The following NUP210L variants were observed in gnomAD, a reference collection of about 807,000 sequenced individuals.
The protein encoded by NUP210L is nuclear pore membrane glycoprotein 210-like.
Under a neutral mutation model 208.5 loss-of-function variants are expected in NUP210L, and 74 were observed. The ratio of observed to expected loss-of-function variants is 0.35; its 90% CI spans 0.29 to 0.43. NUP210L has a LOEUF of 0.43. NUP210L is among the 20% of genes least tolerant of loss of function. The pLI is 1.00. For synonymous variants in NUP210L, 780 were observed against 816.9 expected (o/e 0.95, Z 0.77); for missense variants, 1,843 against 2,289.4 (o/e 0.81, Z 3.98).
chr1:153,995,825 C>A (rs556087203), intron 37 of NUP210L: 2 of 619,602 alleles, frequency 3.2e-6, no homozygotes, highest in African/African-American at 1.8e-5. Context: ...GAAGTTCTTA[C>A]GAGATTGTCC....
chr1:154,002,618 C>T (rs1435344908), intron 35 of NUP210L, among the ~76,000 whole-genome samples: 2 of 151,134 alleles, frequency 1.3e-5, no homozygotes, highest in South Asian at 2.1e-4. Flanking sequence ...AGCAAGACTC[C>T]GTCTCAAAAA....
At chr1:154,003,093 C>T (rs1350329703) in intron 35 of NUP210L, among the ~76,000 whole-genome samples, 3 of 151,714 alleles carry the variant, frequency 2.0e-5, no homozygotes, top group Non-Finnish European at 4.4e-5. Flanking sequence ...TCACTGCAGC[C>T]TTAAACTCCT....
intron 27 of NUP210L, among the ~76,000 whole-genome samples, chr1:154,036,335 TGTGTGTGTGTGTGTGTG>T (rs1652544121): frequency 6.9e-6 from 1 of 145,826 alleles, no homozygotes; most frequent in Non-Finnish European, 1.5e-5. Flanking sequence ...TGTGTGTGTG[TGTGTGTGTGTGTGTGTG>T]TGTGTGTGTA....
intron 16 of NUP210L, among the ~76,000 whole-genome samples, chr1:154,073,353 C>T (rs938908146): frequency 2.6e-5 from 4 of 152,038 alleles, no homozygotes; most frequent in African/African-American, 7.2e-5. Context: ...ATGAAACCCA[C>T]ATCCCTACAA....
rs141030812 is a variant in NUP210L at position 154,115,983 on chromosome 1, C to T, written c.1620+1742G>A. Among the ~76,000 whole-genome samples the T allele has an allele frequency of 7.5e-3, 1,143 of 151,910 alleles. 11 individuals are homozygous for T. Among genetic ancestry groups the T allele is most frequent in the African/African-American group, 0.026 (1,095 of 41,448 alleles). On this transcript the variant is annotated intron_variant, in intron 12 of 39. Coordinates refer to ENST00000368559, the Ensembl canonical transcript of NUP210L. Reference sequence around the variant, plus strand: ...AAAATACAAAAAATTAGGCCGGGCGCGGTGACTCATGCCTGTAATCCCAGC... The same window carrying T: ...AAAATACAAAAAATTAGGCCGGGCGTGGTGACTCATGCCTGTAATCCCAGC...
chr1:154,043,021 CT>C (rs34453410), intron 27 of NUP210L, among the ~76,000 whole-genome samples: 68,907 of 126,688 alleles, frequency 0.54, 18,761 homozygotes, highest in East Asian at 0.85. Flanking sequence ...CCATTAAGAC[CT>C]TTTTTTTTTT....
At chr1:154,056,232 G>T (rs1467171652) in intron 23 of NUP210L, among the ~76,000 whole-genome samples, 1 of 152,066 alleles carries the variant, frequency 6.6e-6, no homozygotes, top group Non-Finnish European at 1.5e-5. Context: ...GCTTATTTCA[G>T]CCTGGAACTC....
chr1:154,059,248 T>A (rs1252399194), intron 20 of NUP210L, among the ~76,000 whole-genome samples: 2 of 151,506 alleles, frequency 1.3e-5, no homozygotes, highest in Non-Finnish European at 2.9e-5. Context: ...TGAGGGAGGA[T>A]CACTTGAATT....
intron 10 of NUP210L, among the ~76,000 whole-genome samples, chr1:154,125,253 C>A (rs1657827470): frequency 6.6e-6 from 1 of 151,986 alleles, no homozygotes; most frequent in African/African-American, 2.4e-5. Context: ...AGTTCAAGGC[C>A]AGCCTGGCCA....
At chr1:154,075,208 A>G (rs188831878) in intron 16 of NUP210L, among the ~76,000 whole-genome samples, 1 of 152,324 alleles carries the variant, frequency 6.6e-6, no homozygotes, top group East Asian at 1.9e-4. Flanking sequence ...AGGCCCTTTC[A>G]GTGAACAGAG....
intron 25 of NUP210L, among the ~76,000 whole-genome samples, chr1:154,052,433 G>A (rs910444027): frequency 2.0e-5 from 3 of 152,182 alleles, no homozygotes; most frequent in African/African-American, 4.8e-5. Context: ...CCACCTACCC[G>A]GGGACAGATC....
chr1:154,061,666 T>C, exon 18 of NUP210L: 1 of 1,594,164 alleles, frequency 6.3e-7, no homozygotes, highest in Non-Finnish European at 8.6e-7. Context: ...ACTTTAAGGA[T>C]CTGATGACCT....
intron 17 of NUP210L, among the ~76,000 whole-genome samples, chr1:154,065,982 A>G (rs1449037852): frequency 6.6e-6 from 1 of 151,882 alleles, no homozygotes; most frequent in Non-Finnish European, 1.5e-5. Flanking sequence ...TCAAAATCGC[A>G]CAACTACATG....
chr1:154,097,319 A>G (rs1053627948), intron 14 of NUP210L, among the ~76,000 whole-genome samples: 2 of 152,222 alleles, frequency 1.3e-5, no homozygotes, highest in African/African-American at 2.4e-5. Context: ...TTTGTTTTTC[A>G]TCAGGCAAGG....
chr1:154,076,613 C>A (rs1299073583), intron 16 of NUP210L, among the ~76,000 whole-genome samples: 1 of 151,868 alleles, frequency 6.6e-6, no homozygotes, highest in Non-Finnish European at 1.5e-5. Flanking sequence ...CAGATTTGAA[C>A]AGGCTGAAGA....
chr1:154,139,632 C>T (rs1658726758), intron 5 of NUP210L, among the ~76,000 whole-genome samples, 170 bp downstream of exon 5: 1 of 151,076 alleles, frequency 6.6e-6, no homozygotes, highest in African/African-American at 2.4e-5. Flanking sequence ...AGTTTGAGAC[C>T]AGCCTGGGCA....
chr1:154,009,940 T>C, intron 35 of NUP210L, 32 bp downstream of exon 35: 3 of 1,558,544 alleles, frequency 1.9e-6, no homozygotes, highest in Non-Finnish European at 2.6e-6. Context: ...ATAAACAGAA[T>C]GGGGAAACCA....
intron 11 of NUP210L, among the ~76,000 whole-genome samples, chr1:154,118,258 G>A (rs1001089154): frequency 2.0e-5 from 3 of 151,940 alleles, no homozygotes; most frequent in South Asian, 2.1e-4. Flanking sequence ...GCAGTGAGCC[G>A]AGATTGCACC....
chr1:154,055,177 TTC>T (rs1653786911), intron 23 of NUP210L, among the ~76,000 whole-genome samples: 1 of 81,218 alleles, frequency 1.2e-5, no homozygotes, highest in Non-Finnish European at 3.0e-5. Flanking sequence ...CTTTCTTTCT[TTC>T]TTTCTTTCTT....
Sources: gnomAD v4.1 joint callset for allele counts (sites outside exome capture counted in the v4.1 genomes callset) on GRCh38, gnomAD v4.1.1 for gene constraint, MANE v1.5 for transcripts, NCBI Gene and HGNC (gene_info 2026-07-23, HGNC 2026-07-21) for gene names.